Variants in DNAJC8 observed in about 807,000 individuals in gnomAD.
The protein encoded by DNAJC8 is DnaJ heat shock protein family (Hsp40) member C8, also known as dnaJ homolog subfamily C member 8.
DNAJC8 carries 24 observed loss-of-function variants against 43.2 expected under a neutral mutation model. That is an observed-to-expected ratio of 0.56 (90% CI 0.40 to 0.78). The LOEUF (loss-of-function observed/expected upper bound fraction) is 0.78, where lower values mean the gene tolerates loss of function less well. Ranked by LOEUF, DNAJC8 falls within the 30% of genes least tolerant of loss-of-function variation. The pLI is 0.00. For missense variants in DNAJC8, 207 were observed against 299.4 expected (o/e 0.69, Z 2.28); for synonymous variants, 83 against 98.0 (o/e 0.85, Z 0.90).
At chr1:28,203,155 G>A (rs1046140682) in intron 8 of DNAJC8, among the ~76,000 whole-genome samples, 1 of 152,074 alleles carries the variant, frequency 6.6e-6, no homozygotes, top group Non-Finnish European at 1.5e-5. Flanking sequence ...CATACATGAA[G>A]TGCAACAGAA....
intron 1 of DNAJC8, chr1:28,230,198 GAGTTGGAATGCT>G (rs1178963995): frequency 6.6e-6 from 1 of 152,234 alleles, no homozygotes; most frequent in South Asian, 2.1e-4. Context: ...GTCACTGTCA[GAGTTGGAATGCT>G]AGTTGGAATG....
chr1:28,218,240 C>T (rs1361860566), intron 2 of DNAJC8, among the ~76,000 whole-genome samples: 1 of 151,572 alleles, frequency 6.6e-6, no homozygotes, highest in Non-Finnish European at 1.5e-5. Flanking sequence ...GAATTACAGG[C>T]ATGTGCCACC....
chr1:28,223,537 T>G (rs1646913092), intron 2 of DNAJC8, among the ~76,000 whole-genome samples: 1 of 152,030 alleles, frequency 6.6e-6, no homozygotes, highest in African/African-American at 2.4e-5. Context: ...GGGAAGTTAG[T>G]TGCATACAGA....
chr1:28,206,483 T>G (rs1446857965), intron 6 of DNAJC8, among the ~76,000 whole-genome samples: 5 of 152,054 alleles, frequency 3.3e-5, no homozygotes, highest in Non-Finnish European at 7.4e-5. Flanking sequence ...CTGCAGTGAG[T>G]TAAGATCATG....
chr1:28,223,265 A>G (rs1370328767), intron 2 of DNAJC8, among the ~76,000 whole-genome samples: 1 of 152,154 alleles, frequency 6.6e-6, no homozygotes, highest in Non-Finnish European at 1.5e-5. Context: ...TTGACGGAGG[A>G]TGTCAAAGCC....
chr1:28,232,633 C>G (rs936418389), intron 1 of DNAJC8, among the ~76,000 whole-genome samples: 1 of 152,152 alleles, frequency 6.6e-6, no homozygotes, highest in African/African-American at 2.4e-5. Flanking sequence ...TCTGCCAGCC[C>G]CCGACTCCGC....
rs963636179 is a variant in DNAJC8, at chr1:28,210,007, C to T, written c.364G>A (p.Val122Ile). 6.2e-7 allele frequency: 1 copy of T among 1,614,072 alleles called. No homozygotes were observed. Residue 122 changes from valine (V) to isoleucine (I), a missense_variant, in exon 5 of 9, where the codon GTA (valine) becomes ATA (isoleucine). Around this residue, in one of 2 missense-constraint regions of DNAJC8, gnomAD observed 159 missense variants for 267.5 expected, o/e 0.59. Transcript: ENST00000263697. The part of the protein sequence containing the change: ...DQEQKKRALD[V>I]IQAGKEYVEH... ...ACGTATTCTTTTCCTGCCTGAATTACATCCAGGGCCCTCTTCTTTTGCTCC... is the reference window on the plus strand; with the variant it reads ...ACGTATTCTTTTCCTGCCTGAATTATATCCAGGGCCCTCTTCTTTTGCTCC...
intron 2 of DNAJC8, among the ~76,000 whole-genome samples, chr1:28,215,361 C>T (rs1034939848): frequency 6.6e-6 from 1 of 151,946 alleles, no homozygotes; most frequent in Non-Finnish European, 1.5e-5. Context: ...ACCGTAATAA[C>T]TCAAAAAAGA....
chr1:28,218,309 G>A (rs1393552265), intron 2 of DNAJC8, among the ~76,000 whole-genome samples: 4 of 151,808 alleles, frequency 2.6e-5, no homozygotes, highest in African/African-American at 9.7e-5. Flanking sequence ...TGGTCAGGCT[G>A]GTCTCGAACT....
At chr1:28,231,207 C>CA (rs916390322) in intron 1 of DNAJC8, among the ~76,000 whole-genome samples, 25 of 151,728 alleles carry the variant, frequency 1.6e-4, no homozygotes, top group East Asian at 7.8e-4. Context: ...CCTGTCACAA[C>CA]AAAAAAAATA....
At chr1:28,231,805 TCACCCAAG>T (rs1272046984) in intron 1 of DNAJC8, among the ~76,000 whole-genome samples, 3 of 151,832 alleles carry the variant, frequency 2.0e-5, no homozygotes, top group Non-Finnish European at 4.4e-5. Context: ...TCTCGCTCTG[TCACCCAAG>T]CTGGAGTGCA....
At chr1:28,218,609 A>C (rs1389322003) in intron 2 of DNAJC8, among the ~76,000 whole-genome samples, 5 of 151,774 alleles carry the variant, frequency 3.3e-5, no homozygotes, top group African/African-American at 4.9e-5. Context: ...ATGTTTTTAG[A>C]GATGGGGTCT....
chr1:28,219,805 T>C (rs1322939956), intron 2 of DNAJC8, among the ~76,000 whole-genome samples: 2 of 152,106 alleles, frequency 1.3e-5, no homozygotes, highest in South Asian at 2.1e-4. Context: ...GCCTCCTGAA[T>C]AGCTGGGACT....
At chr1:28,209,911 T>C in intron 5 of DNAJC8, 61 bp downstream of exon 5, 1 of 1,488,360 alleles carries the variant, frequency 6.7e-7, no homozygotes, top group Non-Finnish European at 9.4e-7. Context: ...TGTACCCTTC[T>C]ACAAGGTGCC....
At chr1:28,219,026 A>C (rs1027909617) in intron 2 of DNAJC8, among the ~76,000 whole-genome samples, 16 of 152,116 alleles carry the variant, frequency 1.1e-4, no homozygotes, top group African/African-American at 3.6e-4. Flanking sequence ...AAATTGTCCC[A>C]CCCTCACAAA....
intron 3 of DNAJC8, among the ~76,000 whole-genome samples, chr1:28,213,279 G>A (rs1646827747): frequency 6.6e-6 from 1 of 151,932 alleles, no homozygotes; most frequent in Non-Finnish European, 1.5e-5. Context: ...ATAAAAAATT[G>A]TTTTGACTAT....
rs1044769404 is a variant in DNAJC8, at chr1:28,200,823, C to T, written c.*425G>A. ...CACACCCAGAAGCGAGCAACTGAAG[C>T]GAAGGGGCTTCCTAAGGTGCCCCTT... On this transcript the variant is annotated 3_prime_UTR_variant, in exon 9 of 9. Transcript: ENST00000263697. 10 of 365,118 alleles carry T rather than the reference C, an allele frequency of 2.7e-5. No homozygotes were observed. Among genetic ancestry groups the T allele is most frequent in the Non-Finnish European group, 4.8e-5 (9 of 186,494 alleles). The allele number at this position is 365,118 out of a possible 1,614,324, so 22.6% of individuals were successfully genotyped here. A position where few individuals can be genotyped will look rare whatever the true frequency, so the allele number is the denominator to read the frequency against.
chr1:28,222,210 G>C (rs1646903026), intron 2 of DNAJC8, among the ~76,000 whole-genome samples: 2 of 152,118 alleles, frequency 1.3e-5, no homozygotes, highest in South Asian at 4.1e-4. Flanking sequence ...AACTGGCTGG[G>C]CACAGTGGCT....
chr1:28,232,101 G>A (rs549639438), intron 1 of DNAJC8, among the ~76,000 whole-genome samples: 17 of 151,352 alleles, frequency 1.1e-4, no homozygotes, highest in Admixed American at 1.1e-3. Flanking sequence ...TAAAGAGACA[G>A]GGTCTCACTC....
Sources: gnomAD v4.1 joint callset for allele counts (sites outside exome capture counted in the v4.1 genomes callset) on GRCh38, gnomAD v4.1.1 for gene constraint, gnomAD v4.1.1 regional missense constraint, MANE v1.5 for transcripts, NCBI Gene and HGNC (gene_info 2026-07-23, HGNC 2026-07-21) for gene names.